Variants in EEF1G observed in about 807,000 individuals in gnomAD.
EEF1G encodes elongation factor 1-gamma.
A neutral mutation model predicts 58.3 loss-of-function variants in EEF1G; 14 were observed. The observed-to-expected ratio is 0.24, with a 90% CI of 0.16 to 0.38. EEF1G has a LOEUF of 0.38. EEF1G is among the 10% of genes least tolerant of loss of function. The pLI is 1.00. For synonymous variants in EEF1G, 180 were observed against 206.8 expected (o/e 0.87, Z 1.11); for missense variants, 322 against 550.1 (o/e 0.59, Z 4.15).
chr11:62,567,178 A>C (rs557612711), intron 6 of EEF1G, 168 bp from the exon 7 acceptor site: 15 of 903,070 alleles, frequency 1.7e-5, no homozygotes, highest in Non-Finnish European at 2.5e-5. Flanking sequence ...CAGCAACAAC[A>C]CACTCAGCAA....
intron 7 of EEF1G, among the ~76,000 whole-genome samples, chr11:62,565,555 C>CTGA (rs147531106): frequency 0.03 from 4,511 of 152,210 alleles, 148 homozygotes; most frequent in African/African-American, 0.081. Flanking sequence ...GCCCAGAGTA[C>CTGA]TGACCTACTA....
At chr11:62,570,124 G>A (rs1186617801) in intron 5 of EEF1G, among the ~76,000 whole-genome samples, 1 of 150,450 alleles carries the variant, frequency 6.6e-6, no homozygotes, top group African/African-American at 2.5e-5. Context: ...CACAGTAGCT[G>A]GATCTTGGCT....
chr11:62,560,656 C>T (rs1469387116), intron 7 of EEF1G, among the ~76,000 whole-genome samples: 1 of 152,194 alleles, frequency 6.6e-6, no homozygotes, highest in Non-Finnish European at 1.5e-5. Context: ...GTATGCAAGG[C>T]ATGTGGAGGG....
At chr11:62,564,465 CAAA>C (rs1251249189) in intron 7 of EEF1G, among the ~76,000 whole-genome samples, 5 of 52,258 alleles carry the variant, frequency 9.6e-5, no homozygotes, top group Non-Finnish European at 8.1e-5. Flanking sequence ...CTCTGTCTCA[CAAA>C]AAAAAAAAAA....
At chr11:62,568,381 C>G (rs1245597881) in intron 5 of EEF1G, among the ~76,000 whole-genome samples, 1 of 83,232 alleles carries the variant, frequency 1.2e-5, no homozygotes, top group Non-Finnish European at 2.4e-5. Flanking sequence ...GAGTGAGACT[C>G]TGTCTCAAAA....
Position 62,560,060 on chromosome 11 carries a change from C to T in EEF1G, c.1155+9G>A, listed in dbSNP as rs984898834. 1.2e-6 allele frequency: 2 copies of T among 1,613,964 alleles called. No homozygotes were observed. The highest frequency in any genetic ancestry group is 1.7e-5 in the Admixed American group (1 of 60,018). On this transcript the variant is annotated intron_variant, in intron 9 of 9. Transcript: ENST00000329251. ...CCCTAAAGAGACTCCTCTCCTCCAC[C>T]TTCCTCACCGGAAAGGCAAGCTCCT...
At chr11:62,561,200 G>A (rs191215211) in intron 7 of EEF1G, among the ~76,000 whole-genome samples, 61 of 152,150 alleles carry the variant, frequency 4.0e-4, no homozygotes, top group African/African-American at 1.4e-3. Context: ...CAGGTCAGGA[G>A]TTCAAGCCCA....
intron 9 of EEF1G, 85 bp from the exon 10 acceptor site, chr11:62,559,922 G>T: frequency 1.2e-6 from 2 of 1,609,394 alleles, no homozygotes; most frequent in Middle Eastern, 1.7e-4. Flanking sequence ...CATGTCATCA[G>T]ACCCCAGGTC....
Position 62,567,539 on chromosome 11 carries a change from A to G in EEF1G, c.523-11T>C. On this transcript the variant is annotated splice_polypyrimidine_tract_variant and intron_variant, in intron 5 of 9. Transcript: ENST00000329251. Reference sequence around the variant, plus strand: ...AGAAGGCTCTAGAACCTGCCAGGACATAAGGGTGTAAACAAAGTCAGTGGA... The same window carrying G: ...AGAAGGCTCTAGAACCTGCCAGGACGTAAGGGTGTAAACAAAGTCAGTGGA... The G allele has an allele frequency of 1.9e-6, 3 of 1,587,948 alleles. No individual in the cohort carries two copies. The highest frequency in any genetic ancestry group is 1.7e-6 in the Non-Finnish European group (2 of 1,167,898).
Position 62,572,749 on chromosome 11 carries a change from G to T in EEF1G, c.13-7C>A, listed in dbSNP as rs772567669. 9 of 1,603,504 alleles carry T rather than the reference G, an allele frequency of 5.6e-6. No homozygotes were observed. The Admixed American group carries it at 6.7e-5, about 12-fold the overall frequency. On this transcript the variant is annotated splice_region_variant and splice_polypyrimidine_tract_variant and intron_variant, in intron 1 of 9. Coordinates refer to ENST00000329251, the MANE Select transcript of EEF1G (RefSeq NM_001404.5). ...CAGGATACGTGTACAGGGTCTATGG[G>T]AGAAAGAGAGGGACAAAATTAATGA...
chr11:62,570,756 A>G (rs1048513183), intron 5 of EEF1G, among the ~76,000 whole-genome samples: 1 of 152,018 alleles, frequency 6.6e-6, no homozygotes, highest in Non-Finnish European at 1.5e-5. Context: ...GGGTTTTACC[A>G]TGTTGGCCAG....
At position 62,573,599 on chromosome 11, in the gene EEF1G, C is replaced by T. The variant is rs866493890; in HGVS notation, c.12+232G>A. ...TTTCTCAGGCTTCGGACGGCCCAGACCCGGCATCTCTTTTCTCCTCTTCCC... is the reference window on the plus strand; with the variant it reads ...TTTCTCAGGCTTCGGACGGCCCAGATCCGGCATCTCTTTTCTCCTCTTCCC... On this transcript the variant is annotated intron_variant, in intron 1 of 9. Coordinates refer to ENST00000329251, the MANE Select transcript of EEF1G (RefSeq NM_001404.5). 4.1e-5 allele frequency: 26 copies of T among 632,644 alleles called. 1 individual carries two copies. The Middle Eastern group carries it at 4.1e-3, about 100-fold the overall frequency. 39.2% of individuals were successfully genotyped at this position (632,644 alleles called of 1,614,324 possible). A position where few individuals can be genotyped will look rare whatever the true frequency, so the allele number is the denominator to read the frequency against.
chr11:62,568,770 C>T (rs1057289141), intron 5 of EEF1G, among the ~76,000 whole-genome samples: 4 of 151,354 alleles, frequency 2.6e-5, no homozygotes, highest in East Asian at 4.0e-4. Flanking sequence ...GTCAGGAGTT[C>T]GAGACCAGCC....
At chr11:62,566,158 C>T (rs1052674093) in intron 7 of EEF1G, among the ~76,000 whole-genome samples, 1 of 152,182 alleles carries the variant, frequency 6.6e-6, no homozygotes, top group African/African-American at 2.4e-5. Context: ...CAGCGTCCTA[C>T]ATTTTTCATG....
At chr11:62,573,017 C>A in intron 1 of EEF1G, 1 of 262,284 alleles carries the variant, frequency 3.8e-6, no homozygotes, top group Non-Finnish European at 7.2e-6. Flanking sequence ...TCAAATCTAT[C>A]TCCAAGAAAT....
At chr11:62,566,722 C>A in intron 7 of EEF1G, 84 bp downstream of exon 7, 2 of 1,281,578 alleles carry the variant, frequency 1.6e-6, no homozygotes, top group Non-Finnish European at 1.1e-6. Flanking sequence ...AAAATTCTGG[C>A]TCTAGCTGTG....
chr11:62,559,946 A>C, intron 9 of EEF1G, 109 bp from the exon 10 acceptor site: 1 of 1,606,694 alleles, frequency 6.2e-7, no homozygotes, highest in Non-Finnish European at 8.5e-7. Context: ...TGTGAACATG[A>C]ACTGCTCCTT....
intron 7 of EEF1G, among the ~76,000 whole-genome samples, chr11:62,561,683 A>AAAAAAAAAAAAAAAC (rs1565259889): frequency 2.9e-4 from 2 of 6,938 alleles, no homozygotes; most frequent in Non-Finnish European, 3.5e-4. Flanking sequence ...AAAAAAAAAC[A>AAAAAAAAAAAAAAAC]AAAAAAAAAA....
chr11:62,560,553 G>A, intron 7 of EEF1G, 99 bp from the exon 8 acceptor site: 4 of 1,356,596 alleles, frequency 2.9e-6, no homozygotes, highest in Non-Finnish European at 4.1e-6. Flanking sequence ...TAATATAAAG[G>A]AAATGGTCAT....
Sources: allele counts gnomAD v4.1 joint callset (sites outside exome capture counted in the v4.1 genomes callset), GRCh38; gene constraint gnomAD v4.1.1; transcripts MANE v1.5; gene names NCBI Gene and HGNC (gene_info 2026-07-23, HGNC 2026-07-21).